Variants in LUC7L2 observed in about 807,000 individuals in gnomAD.
LUC7L2 encodes putative RNA-binding protein Luc7-like 2.
In LUC7L2, 25 loss-of-function variants were observed where a neutral mutation model predicts 52.8. That is an observed-to-expected ratio of 0.47 (90% CI 0.34 to 0.66). The LOEUF is 0.66. Ranked by LOEUF, LUC7L2 falls within the 30% of genes least tolerant of loss-of-function variation. The pLI, the probability that LUC7L2 is intolerant of heterozygous loss-of-function variation, is 0.01. For missense variants in LUC7L2, 328 were observed against 497.8 expected (o/e 0.66, Z 3.25); for synonymous variants, 144 against 160.9 (o/e 0.89, Z 0.80).
chr7:139,359,621 A>C (rs1381973469), upstream of LUC7L2: 5 of 396,362 alleles, frequency 1.3e-5, no homozygotes, highest in Admixed American at 2.2e-4. Flanking sequence ...CTGAATCGCC[A>C]TCACCGCGGG....
intron 1 of LUC7L2, among the ~76,000 whole-genome samples, chr7:139,372,706 G>A (rs1463168818): frequency 2.0e-5 from 3 of 152,110 alleles, no homozygotes; most frequent in African/African-American, 7.2e-5. Context: ...TTGGGAGGCC[G>A]AGGTGGGAGG....
chr7:139,350,440 C>T (rs1799418207), intron 1 of LUC7L2, among the ~76,000 whole-genome samples: 1 of 151,706 alleles, frequency 6.6e-6, no homozygotes. Context: ...TGTTAGTAAT[C>T]CATGTTGTTG....
At chr7:139,374,055 T>TA (rs1800588962) in intron 1 of LUC7L2, among the ~76,000 whole-genome samples, 1 of 152,228 alleles carries the variant, frequency 6.6e-6, no homozygotes, top group Non-Finnish European at 1.5e-5. Context: ...GACATTCTGA[T>TA]ATGAGTTTAT....
intron 6 of LUC7L2, among the ~76,000 whole-genome samples, chr7:139,408,349 C>T (rs1268832714): frequency 1.3e-5 from 2 of 152,150 alleles, no homozygotes; most frequent in African/African-American, 2.4e-5. Context: ...CAACAGAACT[C>T]AAGCATTTTA....
chr7:139,374,570 T>C lies in LUC7L2; in HGVS notation c.62-1492T>C, dbSNP rs920849402. 3 of 1,545,042 alleles carry C rather than the reference T, an allele frequency of 1.9e-6. No homozygotes were observed. In the African/African-American group the frequency reaches 4.1e-5, roughly 21 times the overall value. On this transcript the variant is annotated intron_variant, in intron 1 of 9. Coordinates refer to ENST00000354926, the MANE Select transcript of LUC7L2 (RefSeq NM_016019.5). ...ACCATCAAAATAACTTTTATTATAGTAGCAGGCGTAAACACTAAACTGAAT... is the reference window on the plus strand; with the variant it reads ...ACCATCAAAATAACTTTTATTATAGCAGCAGGCGTAAACACTAAACTGAAT...
chr7:139,400,312 C>G (rs1263776473), intron 3 of LUC7L2, among the ~76,000 whole-genome samples: 2 of 152,098 alleles, frequency 1.3e-5, no homozygotes, highest in East Asian at 3.9e-4. Flanking sequence ...AGTTCAAGAC[C>G]AGCCTGGCCA....
intron 1 of LUC7L2, among the ~76,000 whole-genome samples, chr7:139,344,695 CTTT>C (rs1026301999): frequency 0.15 from 16,980 of 113,666 alleles, 194 homozygotes; most frequent in Middle Eastern, 0.21. Context: ...AATTTTCTTT[CTTT>C]TTTTTTTTTT....
At chr7:139,341,660 C>G (rs1421185574) in intron 1 of LUC7L2, 1 of 1,415,652 alleles carries the variant, frequency 7.1e-7, no homozygotes, top group Non-Finnish European at 9.3e-7. Context: ...TCTGACCAAA[C>G]CAACCCAGGC....
intron 3 of LUC7L2, among the ~76,000 whole-genome samples, chr7:139,399,096 GT>G (rs756431351): frequency 1.3e-5 from 2 of 151,514 alleles, no homozygotes; most frequent in East Asian, 3.9e-4. Context: ...TGTATATATA[GT>G]TGGCCCCCCA....
At chr7:139,406,490 C>A (rs1221564068) in intron 5 of LUC7L2, among the ~76,000 whole-genome samples, 3 of 151,598 alleles carry the variant, frequency 2.0e-5, no homozygotes, top group Non-Finnish European at 4.4e-5. Context: ...GTAGCTGGGA[C>A]TACAGGTGTG....
At chr7:139,404,495 CAA>C (rs1228789643) in intron 4 of LUC7L2, among the ~76,000 whole-genome samples, 1 of 152,160 alleles carries the variant, frequency 6.6e-6, no homozygotes, top group African/African-American at 2.4e-5. Context: ...GGCGACAGAG[CAA>C]GACTCCATCT....
Position 139,416,040 on chromosome 7 carries a change from AATATATATATATATATATATATATAT to A in LUC7L2, c.810-1473_810-1448del, listed in dbSNP as rs66498771. ...ATTTAAGAGTTTTATTGAGGTATAAAATATATATATATATATATATATATATATATATATATATATATATATATATG... is the reference window on the plus strand; with the variant it reads ...ATTTAAGAGTTTTATTGAGGTATAAAATATATATATATATATATATATATG... On this transcript the variant is annotated intron_variant, in intron 8 of 9. Transcript: ENST00000354926. 131 of 97,852 alleles carry A rather than the reference AATATATATATATATATATATATATAT, an allele frequency of 1.3e-3. 2 individuals carry two copies. The highest frequency in any genetic ancestry group is 1.9e-3 in the Non-Finnish European group (78 of 40,994). 6.1% of individuals were successfully genotyped at this position (97,852 alleles called of 1,614,324 possible). A position where few individuals can be genotyped will look rare whatever the true frequency, so the allele number is the denominator to read the frequency against.
chr7:139,414,809 A>T (rs76112500), intron 8 of LUC7L2, among the ~76,000 whole-genome samples: 2,562 of 152,188 alleles, frequency 0.017, 76 homozygotes, highest in African/African-American at 0.058. Context: ...TTCAGTGCCA[A>T]CCTATCAGAA....
At chr7:139,348,455 T>A (rs1237986068) in intron 1 of LUC7L2, among the ~76,000 whole-genome samples, 3 of 152,154 alleles carry the variant, frequency 2.0e-5, no homozygotes, top group Non-Finnish European at 4.4e-5. Flanking sequence ...GCACGGTGGC[T>A]CATGCCTGTA....
At chr7:139,350,814 TA>T (rs1178885083) in intron 1 of LUC7L2, among the ~76,000 whole-genome samples, 4 of 151,434 alleles carry the variant, frequency 2.6e-5, no homozygotes, top group Non-Finnish European at 4.4e-5. Context: ...TAGCTGGGAT[TA>T]ACAGGCGCCC....
chr7:139,353,015 T>C (rs1179308314), intron 1 of LUC7L2, among the ~76,000 whole-genome samples: 2 of 152,150 alleles, frequency 1.3e-5, no homozygotes, highest in East Asian at 3.8e-4. Flanking sequence ...CTGGCCAGCA[T>C]GGTGAAACTC....
intron 2 of LUC7L2, among the ~76,000 whole-genome samples, chr7:139,387,695 T>G (rs1056235253): frequency 1.3e-5 from 2 of 152,220 alleles, no homozygotes; most frequent in African/African-American, 4.8e-5. Flanking sequence ...CTGAAAAATC[T>G]AAAATACTTA....
upstream of LUC7L2, among the ~76,000 whole-genome samples, chr7:139,356,314 C>CA (rs10524961): frequency 0.017 from 1,368 of 82,610 alleles, 188 homozygotes; most frequent in East Asian, 0.041. Context: ...GACCCTATCT[C>CA]AAAAAAAAAA....
At chr7:139,378,282 T>G (rs986127535) in intron 2 of LUC7L2, among the ~76,000 whole-genome samples, 23 of 152,250 alleles carry the variant, frequency 1.5e-4, no homozygotes, top group African/African-American at 5.5e-4. Flanking sequence ...AAAAATTTAC[T>G]TTTAATTTTT....
Sources: gnomAD v4.1 joint callset for allele counts (sites outside exome capture counted in the v4.1 genomes callset) on GRCh38, gnomAD v4.1.1 for gene constraint, MANE v1.5 for transcripts, NCBI Gene and HGNC (gene_info 2026-07-23, HGNC 2026-07-21) for gene names.